ARHGAP39: variants seen among roughly 807,000 people sequenced by gnomAD.
ARHGAP39 encodes the protein Rho GTPase activating protein 39.
In ARHGAP39, 44 loss-of-function variants were observed where a neutral mutation model predicts 106.9. That is an observed-to-expected ratio of 0.41 (90% CI 0.32 to 0.53). The LOEUF is 0.53. Ranked by LOEUF, ARHGAP39 falls within the 20% of genes least tolerant of loss-of-function variation. The pLI, the probability that ARHGAP39 is intolerant of heterozygous loss-of-function variation, is 0.21. For synonymous variants in ARHGAP39, 768 were observed against 693.2 expected (o/e 1.11, Z -1.69); for missense variants, 1,496 against 1,577.3 (o/e 0.95, Z 0.87).
chr8:144,682,548 CAAA>C (rs1041779842), intron 1 of ARHGAP39, among the ~76,000 whole-genome samples: 2,785 of 70,122 alleles, frequency 0.04, 145 homozygotes, highest in East Asian at 0.34. Flanking sequence ...GACTCTGTCT[CAAA>C]AAAAAAAAAA....
chr8:144,534,058 C>A, intron 8 of ARHGAP39, 71 bp downstream of exon 8: 1 of 1,549,194 alleles, frequency 6.5e-7, no homozygotes. Flanking sequence ...GCAGGCGGGG[C>A]TCCTGGGGCT....
At chr8:144,544,500 G>A (rs541244661) in intron 6 of ARHGAP39, among the ~76,000 whole-genome samples, 22 of 152,214 alleles carry the variant, frequency 1.4e-4, no homozygotes, top group Admixed American at 5.2e-4. Context: ...GTGTGTGTGC[G>A]CGTGCATTTC....
At chr8:144,592,954 AC>A (rs1819462232) in intron 2 of ARHGAP39, among the ~76,000 whole-genome samples, 1 of 152,170 alleles carries the variant, frequency 6.6e-6, no homozygotes, top group African/African-American at 2.4e-5. Flanking sequence ...GTCAGCATCA[AC>A]TCACAGATGC....
At chr8:144,579,201 CAAAAAAA>C (rs541332282) in intron 3 of ARHGAP39, among the ~76,000 whole-genome samples, 5 of 39,918 alleles carry the variant, frequency 1.3e-4, no homozygotes, top group Admixed American at 2.8e-4. Flanking sequence ...GACTCTGTCT[CAAAAAAA>C]AAAAAAAAAA....
intron 2 of ARHGAP39, among the ~76,000 whole-genome samples, chr8:144,600,143 G>A (rs1227594906): frequency 2.0e-5 from 3 of 151,482 alleles, no homozygotes; most frequent in Non-Finnish European, 4.4e-5. Context: ...GCGAGCTCAT[G>A]TACCTACCTG....
chr8:144,682,900 C>T (rs1822463948), intron 1 of ARHGAP39, among the ~76,000 whole-genome samples: 1 of 152,068 alleles, frequency 6.6e-6, no homozygotes, highest in African/African-American at 2.4e-5. Context: ...ACCTGTAGTC[C>T]CAGCTACTTG....
At position 144,547,222 on chromosome 8, in the gene ARHGAP39, A is replaced by C. The variant is rs765091825; in HGVS notation, c.1864T>G (p.Phe622Val). 1.2e-5 allele frequency: 20 copies of C among 1,612,464 alleles called. No homozygotes were observed. The highest frequency in any genetic ancestry group is 3.3e-5 in the Admixed American group (2 of 59,980). Residue 622 changes from phenylalanine (F) to valine (V), a missense_variant, in exon 5 of 12, where the codon TTC becomes GTC. By Grantham distance (50) the Phe-to-Val change is conservative (BLOSUM62 -1). This residue lies in a region of ARHGAP39 where 905 missense variants were observed against 816.4 expected (regional missense o/e 1.11). Coordinates refer to ENST00000377307, the MANE Select transcript of ARHGAP39 (RefSeq NM_025251.3). The surrounding 1 kb of genome is among the most constrained non-coding windows in gnomAD (Gnocchi z 5.2). ...QENRHWRRGT[F>V]EKLGFPQILL... ...ATCTGGGGGAAGCCTAGCTTCTCGA[A>C]GGTGCCCCTCCTCCAGTGCCTGTTC...
intron 2 of ARHGAP39, among the ~76,000 whole-genome samples, chr8:144,596,273 G>T (rs1819618919): frequency 6.7e-6 from 1 of 148,814 alleles, no homozygotes; most frequent in Non-Finnish European, 1.5e-5. Flanking sequence ...GGACGGCTGA[G>T]GCCTCGCCAC....
chr8:144,548,503 G>A lies in ARHGAP39; in HGVS notation c.597-14C>T. The A allele has an allele frequency of 1.9e-6, 3 of 1,603,434 alleles. No homozygotes were observed. The highest frequency in any genetic ancestry group is 1.7e-6 in the Non-Finnish European group (2 of 1,177,066). On this transcript the variant is annotated splice_polypyrimidine_tract_variant and intron_variant, in intron 4 of 11. Transcript: ENST00000377307. This position sits in a 1 kb window ranked among gnomAD's most constrained non-coding sequence, Gnocchi z 7.4. ...AGCGAGGAGGTCCTGCGTGGGGGGTGGACGGGCACAGGTGACTGCCTGCCT... is the reference window on the plus strand; with the variant it reads ...AGCGAGGAGGTCCTGCGTGGGGGGTAGACGGGCACAGGTGACTGCCTGCCT...
intron 3 of ARHGAP39, among the ~76,000 whole-genome samples, chr8:144,561,782 C>A (rs1218473758): frequency 6.7e-6 from 1 of 148,426 alleles, no homozygotes; most frequent in Non-Finnish European, 1.5e-5. Flanking sequence ...GGACTTACTC[C>A]AGTGGTTTCC....
Position 144,534,190 on chromosome 8 carries a change from C to G in ARHGAP39, c.2627G>C (p.Ser876Thr). 1 of 1,613,416 alleles carries G rather than the reference C, an allele frequency of 6.2e-7. No individual in the cohort carries two copies. Among genetic ancestry groups the G allele is most frequent in the Non-Finnish European group, 8.5e-7 (1 of 1,179,796 alleles). Residue 876 changes from serine (S) to threonine (T), a missense_variant, in exon 8 of 12, where the codon AGC becomes ACC. Transcript: ENST00000377307. ...GTGGTAACAGTACTTGGCATACGTG[C>G]TTATCGCCACCCCTGGAAAGGAAAG... ...YVEEPDGVAI[S>T]TYAKYCYHKL...
rs1345008089 is a variant in ARHGAP39 at position 144,671,587 on chromosome 8, C to T, written c.-82+14099G>A. On this transcript the variant is annotated intron_variant, in intron 1 of 11. Coordinates refer to ENST00000377307, the MANE Select transcript of ARHGAP39 (RefSeq NM_025251.3). This position sits in a 1 kb window ranked among gnomAD's most constrained non-coding sequence, Gnocchi z 4.5. Reference sequence around the variant, plus strand: ...CTGCCGGCTCCGGCCACACATCCCTCCCGCCTGAGGCTCTTTCTGTGCCTG... The same window carrying T: ...CTGCCGGCTCCGGCCACACATCCCTTCCGCCTGAGGCTCTTTCTGTGCCTG... Among the ~76,000 whole-genome samples, 1 of 152,246 alleles carries T rather than the reference C, an allele frequency of 6.6e-6. No homozygotes were observed. The highest frequency in any genetic ancestry group is 1.5e-5 in the Non-Finnish European group (1 of 68,042).
Position 144,616,309 on chromosome 8 carries a change from G to A in ARHGAP39, c.-81-10614C>T, listed in dbSNP as rs1468805341. On this transcript the variant is annotated intron_variant, in intron 1 of 11. Transcript: ENST00000377307. ...AAGAGAGACCTGGTCTGTGACCTGG[G>A]ACAGGCCCCCCATGAAAGGGTCCTG... Among the ~76,000 whole-genome samples, 3 of 152,230 alleles carry A rather than the reference G, an allele frequency of 2.0e-5. No homozygotes were observed. In the East Asian group the frequency reaches 5.8e-4, roughly 29 times the overall value.
chr8:144,559,911 G>A (rs1818079842), intron 3 of ARHGAP39, among the ~76,000 whole-genome samples: 2 of 152,212 alleles, frequency 1.3e-5, no homozygotes, highest in Non-Finnish European at 1.5e-5. Flanking sequence ...CCTATCACCT[G>A]AGGTCAGACG....
chr8:144,547,812 C>G lies in ARHGAP39; in HGVS notation c.1274G>C (p.Gly425Ala). ...GGGGCTGGGCTGCAAGGAGTACGAA[C>G]CACCGCCGGGGTTGGGCGCGTACTT... ...RHKYAPNPGG[G>A]SYSLQPSPCL... Residue 425 changes from glycine (G) to alanine (A), a missense_variant, in exon 5 of 12, where the codon GGT (glycine) becomes GCT (alanine). Gly to Ala is a moderately conservative substitution (Grantham distance 60, BLOSUM62 0). Around this residue, in one of 4 missense-constraint regions of ARHGAP39, gnomAD observed 905 missense variants for 816.4 expected, o/e 1.11. Transcript: ENST00000377307. This position sits in a 1 kb window ranked among gnomAD's most constrained non-coding sequence, Gnocchi z 5.2. 8.8e-6 allele frequency: 14 copies of G among 1,592,186 alleles called. No individual in the cohort carries two copies. The highest frequency in any genetic ancestry group is 1.2e-5 in the Non-Finnish European group (14 of 1,172,498).
intron 1 of ARHGAP39, among the ~76,000 whole-genome samples, chr8:144,618,445 C>T (rs539108081): frequency 1.8e-4 from 28 of 152,358 alleles, no homozygotes; most frequent in African/African-American, 6.7e-4. Flanking sequence ...TAATAGGTGA[C>T]GGGAGAGGAA....
rs573605211 is a variant in ARHGAP39 at position 144,646,129 on chromosome 8, C to A, written c.-82+39557G>T. Among the ~76,000 whole-genome samples the A allele has an allele frequency of 6.6e-6, 1 of 152,220 alleles. No homozygotes were observed. The highest frequency in any genetic ancestry group is 1.5e-5 in the Non-Finnish European group (1 of 68,044). ...GGCACCAAATGTCCGCCAGCAAGGA[C>A]GGACACATCGCAAGCTTGGAGCCTG... On this transcript the variant is annotated intron_variant, in intron 1 of 11. Transcript: ENST00000377307. The surrounding 1 kb of genome is among the most constrained non-coding windows in gnomAD (Gnocchi z 5.7).
chr8:144,536,960 T>C (rs1816981155), intron 7 of ARHGAP39, among the ~76,000 whole-genome samples: 1 of 152,148 alleles, frequency 6.6e-6, no homozygotes, highest in Non-Finnish European at 1.5e-5. Context: ...GTGGCGGAGC[T>C]CTAGACAGAT....
chr8:144,693,653 G>A, the ARHGAP39 span, among the ~76,000 whole-genome samples: 2 of 152,230 alleles, frequency 1.3e-5, no homozygotes, highest in African/African-American at 4.8e-5. Context: ...GATTACAGGC[G>A]TGAGCCACCG....
Sources: allele counts gnomAD v4.1 joint callset (sites outside exome capture counted in the v4.1 genomes callset), GRCh38; gene constraint gnomAD v4.1.1; regional missense constraint gnomAD v4.1.1; non-coding constraint Gnocchi (gnomAD v3.1); transcripts MANE v1.5; gene names NCBI Gene and HGNC (gene_info 2026-07-23, HGNC 2026-07-21).